PLEKHA5: variants seen among roughly 807,000 people sequenced by gnomAD.
PLEKHA5 encodes pleckstrin homology domain-containing family A member 5.
In PLEKHA5, 55 loss-of-function variants were observed where a neutral mutation model predicts 181.9. The ratio of observed to expected loss-of-function variants is 0.30; its 90% CI spans 0.24 to 0.38. PLEKHA5 has a LOEUF of 0.38. PLEKHA5 is among the 10% of genes least tolerant of loss of function. The probability of loss-of-function intolerance (pLI) is 1.00; values close to 1 mark genes in which losing one functional copy is unlikely to be tolerated. For synonymous variants in PLEKHA5, 535 were observed against 529.4 expected, an observed-to-expected ratio of 1.01 and a Z score of -0.15; for missense variants, 1,432 against 1,549.5, an observed-to-expected ratio of 0.92 and a Z score of 1.27.
intron 11 of PLEKHA5, among the ~76,000 whole-genome samples, chr12:19,276,805 A>C (rs565920629): frequency 2.0e-5 from 3 of 152,232 alleles, no homozygotes; most frequent in African/African-American, 7.2e-5. Flanking sequence ...GAGGTAATAC[A>C]TATGTTAATT....
intron 3 of PLEKHA5, among the ~76,000 whole-genome samples, chr12:19,238,266 A>G (rs532280516): frequency 9.5e-4 from 145 of 152,230 alleles, no homozygotes; most frequent in African/African-American, 3.2e-3. Context: ...CTTGCTGTAC[A>G]TATTTTTTGT....
intron 15 of PLEKHA5, among the ~76,000 whole-genome samples, chr12:19,295,543 GAAA>G (rs1245996746): frequency 6.6e-6 from 1 of 151,884 alleles, no homozygotes; most frequent in Non-Finnish European, 1.5e-5. Context: ...TTTTATGAGG[GAAA>G]AAGAAAATTT....
intron 3 of PLEKHA5, among the ~76,000 whole-genome samples, chr12:19,234,582 T>C (rs981634540): frequency 6.6e-6 from 1 of 152,164 alleles, no homozygotes; most frequent in Non-Finnish European, 1.5e-5. Context: ...TTCGATGTAT[T>C]GTTTTTCTCC....
At chr12:19,306,380 C>A in intron 15 of PLEKHA5, 1 of 513,790 alleles carries the variant, frequency 1.9e-6, no homozygotes, top group Non-Finnish European at 3.8e-6. Flanking sequence ...GCTCTCTTCC[C>A]CTCCCCCGCG....
At chr12:19,310,781 T>G (rs1395005304) in intron 15 of PLEKHA5, among the ~76,000 whole-genome samples, 6 of 152,034 alleles carry the variant, frequency 3.9e-5, no homozygotes, top group South Asian at 2.1e-4. Flanking sequence ...TGGTTTTTTG[T>G]TTTTTTGTTT....
In PLEKHA5 at chr12:19,358,245, A is replaced by T. The variant is rs1282741496; in HGVS notation, c.3156A>T (p.Ala1052=). The T allele has an allele frequency of 1.9e-6, 3 of 1,612,942 alleles. No individual in the cohort carries two copies. The highest frequency in any genetic ancestry group is 1.7e-6 in the Non-Finnish European group (2 of 1,179,066). The part of the protein sequence containing the change: ...MDLRTERPRS[A]VEQLCLAEST... The stretch of plus-strand genomic sequence containing the variant: ...CATTGAAGGAAAGACCAAGAAGTGC[A>T]GTGGAACAGCTCTGTTTGGCTGAAA... Residue 1052 remains alanine, a synonymous_variant, in exon 27 of 32, where the codon GCA becomes GCT. Coordinates refer to ENST00000429027, the MANE Select transcript of PLEKHA5 (RefSeq NM_001256470.2).
At chr12:19,256,135 A>G (rs2066822434) in intron 5 of PLEKHA5, among the ~76,000 whole-genome samples, 1 of 152,168 alleles carries the variant, frequency 6.6e-6, no homozygotes, top group Admixed American at 6.5e-5. Flanking sequence ...TTTTCGGGAA[A>G]GAAAATGGAA....
intron 15 of PLEKHA5, chr12:19,303,708 T>A (rs1232249424): frequency 1.3e-5 from 2 of 151,834 alleles, no homozygotes; most frequent in Non-Finnish European, 2.9e-5. Context: ...TCTGTGCTGA[T>A]CAGTAGTGGG....
intron 6 of PLEKHA5, among the ~76,000 whole-genome samples, chr12:19,259,439 A>G (rs1015593969): frequency 6.6e-6 from 1 of 152,048 alleles, no homozygotes; most frequent in African/African-American, 2.4e-5. Context: ...ATCTGTACTA[A>G]AGAAAGAATA....
chr12:19,340,998 ACAG>A (rs2093881846), intron 21 of PLEKHA5, among the ~76,000 whole-genome samples: 1 of 152,006 alleles, frequency 6.6e-6, no homozygotes, highest in African/African-American at 2.4e-5. Flanking sequence ...TTGGCTGGGC[ACAG>A]TGGCGTATGC....
At chr12:19,353,198 G>C (rs879148205) in intron 25 of PLEKHA5, among the ~76,000 whole-genome samples, 1 of 152,002 alleles carries the variant, frequency 6.6e-6, no homozygotes, top group South Asian at 2.1e-4. Context: ...CTGTCACCCA[G>C]GCTGGAGTGC....
intron 17 of PLEKHA5, 82 bp downstream of exon 17, chr12:19,320,138 T>C (rs2090252711): frequency 1.9e-6 from 1 of 530,512 alleles, no homozygotes. Flanking sequence ...AGTGTACACA[T>C]ACACAGTGTG....
chr12:19,220,870 A>G (rs1042624031), intron 3 of PLEKHA5, among the ~76,000 whole-genome samples: 9 of 152,226 alleles, frequency 5.9e-5, no homozygotes, highest in African/African-American at 2.2e-4. Flanking sequence ...CACTTTGTCA[A>G]AGAAAACACA....
At chr12:19,326,371 A>G (rs1462028067) in intron 20 of PLEKHA5, among the ~76,000 whole-genome samples, 1 of 152,144 alleles carries the variant, frequency 6.6e-6, no homozygotes, top group Non-Finnish European at 1.5e-5. Flanking sequence ...CAGAATCTCA[A>G]AGGATTTCAC....
At chr12:19,205,153 C>T (rs2055120097) in intron 3 of PLEKHA5, 1 of 152,172 alleles carries the variant, frequency 6.6e-6, no homozygotes, top group Admixed American at 6.6e-5. Context: ...AGTTTATTGT[C>T]AGTTAATGAT....
Position 19,375,738 on chromosome 12 carries a change from A to T in PLEKHA5, c.*219A>T, listed in dbSNP as rs1468246933. On this transcript the variant is annotated 3_prime_UTR_variant, in exon 32 of 32. Coordinates refer to ENST00000429027, the MANE Select transcript of PLEKHA5 (RefSeq NM_001256470.2). The stretch of plus-strand genomic sequence containing the variant: ...TACACTTCGTAATCTCAAGGTTATT[A>T]TTCTGACACCAGCTTGCTGCTATGA... 1 of 152,606 alleles carries T rather than the reference A, an allele frequency of 6.6e-6. No individual in the cohort carries two copies. The highest frequency in any genetic ancestry group is 6.6e-5 in the Admixed American group (1 of 15,262). The allele number at this position is 152,606 out of a possible 1,614,324, so 9.5% of individuals were successfully genotyped here. A position where few individuals can be genotyped will look rare whatever the true frequency, so the allele number is the denominator to read the frequency against.
At chr12:19,211,063 A>G (rs1218003152) in intron 3 of PLEKHA5, among the ~76,000 whole-genome samples, 1 of 152,186 alleles carries the variant, frequency 6.6e-6, no homozygotes, top group East Asian at 1.9e-4. Flanking sequence ...ATGGAGGACT[A>G]TTACATTATA....
At chr12:19,171,529 C>T (rs888037544) in intron 3 of PLEKHA5, among the ~76,000 whole-genome samples, 9 of 151,950 alleles carry the variant, frequency 5.9e-5, no homozygotes, top group Admixed American at 1.3e-4. Context: ...GGTGCAGTGG[C>T]GGTACCTCGG....
rs141715885 is a variant in PLEKHA5, at chr12:19,364,604, G to A, written c.3609-1360G>A. ...TCAGTGGCTGCCAAAGCTATCAGCT[G>A]AAAATCTGACAAGGATCTTTATATG... On this transcript the variant is annotated intron_variant, in intron 29 of 31. Transcript: ENST00000429027. Among the ~76,000 whole-genome samples the A allele has an allele frequency of 6.7e-3, 1,014 of 152,082 alleles. 10 individuals are homozygous for A. The highest frequency in any genetic ancestry group is 0.023 in the African/African-American group (960 of 41,512).
Sources: gnomAD v4.1 joint callset for allele counts (sites outside exome capture counted in the v4.1 genomes callset) on GRCh38, gnomAD v4.1.1 for gene constraint, MANE v1.5 for transcripts, NCBI Gene and HGNC (gene_info 2026-07-23, HGNC 2026-07-21) for gene names.